The following TLCD4 variants were observed in gnomAD, a reference collection of about 807,000 sequenced individuals.
TLCD4 encodes TLC domain-containing protein 4.
A neutral mutation model predicts 24.2 loss-of-function variants in TLCD4; 7 were observed. The observed-to-expected ratio is 0.29, with a 90% confidence interval of 0.16 to 0.54. TLCD4 has a LOEUF of 0.54. Among genes scored for constraint, TLCD4 ranks in the 20% least tolerant of loss-of-function variants. The pLI, the probability that TLCD4 is intolerant of heterozygous loss-of-function variation, is 0.95. For missense variants in TLCD4, 259 were observed against 313.9 expected, an observed-to-expected ratio of 0.82 and a Z score of 1.32; for synonymous variants, 103 against 106.4, an observed-to-expected ratio of 0.97 and a Z score of 0.20.
At position 95,124,540 on chromosome 1, in the gene TLCD4, C is replaced by A. The variant is rs368401311; in HGVS notation, c.-12+6923C>A. ...CCATCTCATATCATGTTGCCCAGTG[C>A]TAGCCAGGGGTATCATGCCATGGCA... On this transcript the variant is annotated intron_variant, in intron 1 of 6. Transcript: ENST00000370203. Among the ~76,000 whole-genome samples, 4 of 152,304 alleles carry A rather than the reference C, an allele frequency of 2.6e-5. 1 individual carries two copies. The highest frequency in any genetic ancestry group is 9.6e-5 in the African/African-American group (4 of 41,568).
At chr1:95,136,211 C>T (rs988810137) in intron 1 of TLCD4, among the ~76,000 whole-genome samples, 4 of 152,040 alleles carry the variant, frequency 2.6e-5, no homozygotes, top group African/African-American at 9.7e-5. Context: ...GATGCACTTC[C>T]ACTCTTTCTG....
chr1:95,187,794 A>T (rs1678877197), intron 6 of TLCD4, among the ~76,000 whole-genome samples: 1 of 151,980 alleles, frequency 6.6e-6, no homozygotes, highest in South Asian at 2.1e-4. Flanking sequence ...TGGCTTAAAT[A>T]ACAGAAATGT....
At chr1:95,168,210 T>C (rs1191033086) in intron 5 of TLCD4, among the ~76,000 whole-genome samples, 3 of 152,202 alleles carry the variant, frequency 2.0e-5, no homozygotes. Flanking sequence ...AGTTCAGTAA[T>C]AGGCACAAGG....
intron 5 of TLCD4, 57 bp from the exon 6 acceptor site, chr1:95,173,759 T>C: frequency 6.2e-7 from 1 of 1,609,442 alleles, no homozygotes; most frequent in Non-Finnish European, 8.5e-7. Flanking sequence ...TCTACGGTAT[T>C]TGGGAATTTT....
intron 6 of TLCD4, among the ~76,000 whole-genome samples, chr1:95,184,647 A>G (rs1678768108): frequency 6.6e-6 from 1 of 152,184 alleles, no homozygotes; most frequent in South Asian, 2.1e-4. Flanking sequence ...TGCCTGTCTT[A>G]GTAATAACAG....
At chr1:95,093,728 A>G in the TLCD4 span, among the ~76,000 whole-genome samples, 1 of 152,232 alleles carries the variant, frequency 6.6e-6, no homozygotes, top group Non-Finnish European at 1.5e-5. Flanking sequence ...CGTATGTCCA[A>G]CCAGGATTCT....
At chr1:95,169,422 T>C (rs773134662) in intron 5 of TLCD4, among the ~76,000 whole-genome samples, 5 of 152,200 alleles carry the variant, frequency 3.3e-5, no homozygotes, top group Non-Finnish European at 7.3e-5. Flanking sequence ...AAAATTTGCA[T>C]TTTGGCCAAA....
intron 1 of TLCD4, among the ~76,000 whole-genome samples, chr1:95,124,683 C>A (rs1676661608): frequency 6.6e-6 from 1 of 152,074 alleles, no homozygotes; most frequent in Non-Finnish European, 1.5e-5. Flanking sequence ...GATCTTGTTT[C>A]TGGATAATTT....
At chr1:95,148,321 T>G (rs1261602987) in intron 2 of TLCD4, among the ~76,000 whole-genome samples, 1 of 152,248 alleles carries the variant, frequency 6.6e-6, no homozygotes, top group African/African-American at 2.4e-5. Flanking sequence ...TATCCTGCAT[T>G]GATGCTGTTG....
chr1:95,166,468 A>G (rs1383085350), intron 5 of TLCD4, among the ~76,000 whole-genome samples: 1 of 152,238 alleles, frequency 6.6e-6, no homozygotes, highest in African/African-American at 2.4e-5. Context: ...TGCAACAAGT[A>G]GAAAGTAACA....
At chr1:95,108,086 C>A in the TLCD4 span, among the ~76,000 whole-genome samples, 1 of 151,968 alleles carries the variant, frequency 6.6e-6, no homozygotes, top group Non-Finnish European at 1.5e-5. Flanking sequence ...GATATCTGTT[C>A]ATGTTTTCTA....
chr1:95,182,459 AAAT>A (rs1352684866), intron 6 of TLCD4, among the ~76,000 whole-genome samples: 1 of 152,140 alleles, frequency 6.6e-6, no homozygotes, highest in African/African-American at 2.4e-5. Flanking sequence ...CATCTAATAA[AAAT>A]AATAAATAAT....
chr1:95,191,538 T>A lies in TLCD4; in HGVS notation c.474-12T>A. 2 of 1,591,872 alleles carry A rather than the reference T, an allele frequency of 1.3e-6. No individual in the cohort carries two copies. The highest frequency in any genetic ancestry group is 2.3e-5 in the South Asian group (2 of 86,832). The stretch of plus-strand genomic sequence containing the variant: ...CACTATAAATGTGATGTTTCTTTAA[T>A]TCATTTTTCAGGTGGTTCTTTGAAG... On this transcript the variant is annotated splice_polypyrimidine_tract_variant and intron_variant, in intron 6 of 6. Coordinates refer to ENST00000370203, the MANE Select transcript of TLCD4 (RefSeq NM_152487.3).
In TLCD4 at chr1:95,194,252, A is replaced by G. The variant is rs1363013614; in HGVS notation, c.*2384A>G. ...TGCTGGCTGCATGAGTTAATTCAACATCCAGATTAAATATCCTGAAGTAGG... is the reference window on the plus strand; with the variant it reads ...TGCTGGCTGCATGAGTTAATTCAACGTCCAGATTAAATATCCTGAAGTAGG... On this transcript the variant is annotated 3_prime_UTR_variant, in exon 7 of 7. Transcript: ENST00000370203. The G allele has an allele frequency of 6.6e-6, 1 of 152,126 alleles. No individual in the cohort carries two copies. The highest frequency in any genetic ancestry group is 1.5e-5 in the Non-Finnish European group (1 of 67,972). The allele number at this position is 152,126 out of a possible 1,614,324, so 9.4% of individuals were successfully genotyped here.
chr1:95,106,455 C>T, the TLCD4 span, among the ~76,000 whole-genome samples: 2 of 152,210 alleles, frequency 1.3e-5, no homozygotes, highest in Admixed American at 1.3e-4. Flanking sequence ...AATCCTACCA[C>T]TTTGGCAGGC....
Position 95,194,452 on chromosome 1 carries a change from A to G in TLCD4, c.*2584A>G, listed in dbSNP as rs1679130478. 7.3e-6 allele frequency: 1 copy of G among 136,260 alleles called. No homozygotes were observed. The highest frequency in any genetic ancestry group is 2.9e-4 in the East Asian group (1 of 3,458). The allele number at this position is 136,260 out of a possible 1,614,324, so 8.4% of individuals were successfully genotyped here. ...TCATTTACTGCACGATGAATTTTTC[A>G]TTTATTAAATGAAAAACGTTTGCTA... On this transcript the variant is annotated 3_prime_UTR_variant, in exon 7 of 7. Transcript: ENST00000370203.
In TLCD4 at chr1:95,166,810, G is replaced by T. The variant is rs1215937209; in HGVS notation, c.400-7006G>T. On this transcript the variant is annotated intron_variant, in intron 5 of 6. Coordinates refer to ENST00000370203, the MANE Select transcript of TLCD4 (RefSeq NM_152487.3). The stretch of plus-strand genomic sequence containing the variant: ...AGTGGTGCAGTCATAGCTTGCTATG[G>T]CCTTAACTCCTGAGCTCAAGTGATC... 3.9e-5 allele frequency among the ~76,000 whole-genome samples: 6 copies of T among 151,956 alleles called. No homozygotes were observed. In the South Asian group the frequency reaches 1.2e-3, roughly 32 times the overall value.
intron 2 of TLCD4, among the ~76,000 whole-genome samples, chr1:95,147,694 A>G (rs1443141468): frequency 2.6e-5 from 4 of 152,196 alleles, no homozygotes; most frequent in African/African-American, 4.8e-5. Flanking sequence ...TATTGTAGAG[A>G]AAAATTTATT....
intron 5 of TLCD4, among the ~76,000 whole-genome samples, chr1:95,167,072 G>A (rs11165330): frequency 7.9e-4 from 120 of 151,744 alleles, no homozygotes; most frequent in African/African-American, 2.5e-3. Context: ...TTTGAGTGCC[G>A]CATACTGATG....
Sources: gnomAD v4.1 joint callset for allele counts (sites outside exome capture counted in the v4.1 genomes callset) on GRCh38, gnomAD v4.1.1 for gene constraint, MANE v1.5 for transcripts, NCBI Gene and HGNC (gene_info 2026-07-23, HGNC 2026-07-21) for gene names.